Variants in ZFPM1 observed in about 807,000 individuals in gnomAD.
ZFPM1 encodes the protein zinc finger protein ZFPM1.
Under a neutral mutation model 46.3 loss-of-function variants are expected in ZFPM1, and 28 were observed. The ratio of observed to expected loss-of-function variants is 0.60; its 90% confidence interval spans 0.45 to 0.83. ZFPM1 has a LOEUF of 0.83. Ranked by LOEUF, ZFPM1 falls within the 40% of genes least tolerant of loss-of-function variation. ZFPM1 has a pLI of 0.00. For synonymous variants in ZFPM1, 957 were observed against 675.9 expected (o/e 1.42, Z -6.45); for missense variants, 1,878 against 1,432.4 (o/e 1.31, Z -5.02).
chr16:88,496,855 C>G (rs1480308095), intron 3 of ZFPM1, among the ~76,000 whole-genome samples: 2 of 152,188 alleles, frequency 1.3e-5, no homozygotes, highest in African/African-American at 4.8e-5. Flanking sequence ...CAGGGGAGGT[C>G]TGAGTTGGAT....
intron 3 of ZFPM1, among the ~76,000 whole-genome samples, chr16:88,510,485 A>G (rs1252769911): frequency 6.6e-6 from 1 of 152,212 alleles, no homozygotes; most frequent in East Asian, 1.9e-4. Context: ...GGAACTTCTC[A>G]TTTGGTTCCT....
chr16:88,455,668 C>G (rs1271027548), intron 1 of ZFPM1, among the ~76,000 whole-genome samples: 2 of 152,102 alleles, frequency 1.3e-5, no homozygotes, highest in Admixed American at 1.3e-4. Context: ...CGCAGCTGCC[C>G]GCGCCTCTGT....
At chr16:88,468,726 T>G (rs1312550718) in intron 1 of ZFPM1, among the ~76,000 whole-genome samples, 1 of 145,150 alleles carries the variant, frequency 6.9e-6, no homozygotes, top group Non-Finnish European at 1.5e-5. Flanking sequence ...ACCACTGTCC[T>G]AACCAGCCTG....
rs567578246 is a variant in ZFPM1, at chr16:88,460,964, G to GCCCTGGTGAGGACCAAGGGGCGGGAGGC, written c.40+7288_40+7289insCTGGTGAGGACCAAGGGGCGGGAGGCCC. ...TGATGACCGAGGGGCGGGGCGGGAGGCCTGGTGAGGACCGAGGGGAGGGGC... is the reference window on the plus strand; with the variant it reads ...TGATGACCGAGGGGCGGGGCGGGAGGCCCTGGTGAGGACCAAGGGGCGGGAGGCCCTGGTGAGGACCGAGGGGAGGGGC... On this transcript the variant is annotated intron_variant, in intron 1 of 9. Coordinates refer to ENST00000319555, the MANE Select transcript of ZFPM1 (RefSeq NM_153813.3). Among the ~76,000 whole-genome samples, 18 of 41,418 alleles carry GCCCTGGTGAGGACCAAGGGGCGGGAGGC rather than the reference G, an allele frequency of 4.3e-4. 1 individual carries two copies. The highest frequency in any genetic ancestry group is 2.2e-3 in the African/African-American group (18 of 8,022). 27.2% of individuals were successfully genotyped at this position (41,418 alleles called of 152,430 possible).
chr16:88,465,708 G>A (rs963302374), intron 1 of ZFPM1, among the ~76,000 whole-genome samples: 3 of 152,176 alleles, frequency 2.0e-5, no homozygotes, highest in African/African-American at 4.8e-5. Context: ...CTCCCACCCT[G>A]TCCCCAGCCA....
intron 1 of ZFPM1, among the ~76,000 whole-genome samples, chr16:88,456,515 C>T (rs999913627): frequency 3.3e-5 from 5 of 152,178 alleles, no homozygotes; most frequent in Admixed American, 2.0e-4. Context: ...AGCACTACTG[C>T]ATACAGGCCC....
chr16:88,521,864 CCTCT>C (rs919099301), intron 4 of ZFPM1, among the ~76,000 whole-genome samples: 7 of 150,396 alleles, frequency 4.7e-5, no homozygotes, highest in Non-Finnish European at 8.9e-5. Flanking sequence ...GCTGTTCCCT[CCTCT>C]CTGTTTCCTC....
At chr16:88,475,894 G>A (rs1190112401) in intron 1 of ZFPM1, among the ~76,000 whole-genome samples, 6 of 152,132 alleles carry the variant, frequency 3.9e-5, no homozygotes, top group Non-Finnish European at 7.4e-5. Flanking sequence ...GACACCATTC[G>A]GCCAGAGGCT....
intron 1 of ZFPM1, among the ~76,000 whole-genome samples, chr16:88,481,209 G>A (rs1051311192): frequency 4.6e-5 from 7 of 152,220 alleles, no homozygotes; most frequent in South Asian, 2.1e-4. Flanking sequence ...TGCCCTGGCC[G>A]CCAATGACCA....
intron 4 of ZFPM1, among the ~76,000 whole-genome samples, chr16:88,518,046 T>TA (rs990866202): frequency 2.6e-4 from 40 of 151,392 alleles, no homozygotes; most frequent in Middle Eastern, 3.4e-3. Flanking sequence ...CCGTCTCTAT[T>TA]AAAAAAAAAT....
At chr16:88,476,434 G>A (rs1032376847) in intron 1 of ZFPM1, among the ~76,000 whole-genome samples, 1 of 152,098 alleles carries the variant, frequency 6.6e-6, no homozygotes, top group South Asian at 2.1e-4. Context: ...AGAGAGGGCC[G>A]CCAAGTGGCA....
rs563894331 is a variant in ZFPM1, at chr16:88,487,323, A to G, written c.145+1280A>G. ...AGCCCCAGGCACCAATCTCATACCT[A>G]CCCCATGCCATGAAACCCTTTGCAC... is the stretch of plus-strand genomic sequence containing the variant. On this transcript the variant is annotated intron_variant, in intron 2 of 9. Coordinates refer to ENST00000319555, the MANE Select transcript of ZFPM1 (RefSeq NM_153813.3). Among the ~76,000 whole-genome samples, 3 of 152,034 alleles carry G rather than the reference A, an allele frequency of 2.0e-5. No homozygotes were observed. In the East Asian group the frequency reaches 5.8e-4, roughly 30 times the overall value.
intron 5 of ZFPM1, among the ~76,000 whole-genome samples, chr16:88,527,277 C>T (rs1270176137): frequency 6.6e-6 from 1 of 152,232 alleles, no homozygotes; most frequent in Non-Finnish European, 1.5e-5. Context: ...CGACACCAGA[C>T]TGGCTGGCAG....
intron 4 of ZFPM1, among the ~76,000 whole-genome samples, chr16:88,515,823 C>T (rs1391780716): frequency 6.6e-6 from 1 of 152,190 alleles, no homozygotes; most frequent in East Asian, 1.9e-4. Context: ...GCGTGAGCTC[C>T]CCATCACTGT....
intron 1 of ZFPM1, 136 bp from the exon 2 acceptor site, chr16:88,485,803 G>T: frequency 1.4e-6 from 1 of 707,782 alleles, no homozygotes; most frequent in South Asian, 1.8e-5. Context: ...TGACCTCAGG[G>T]TGAGGGATGA....
intron 3 of ZFPM1, among the ~76,000 whole-genome samples, chr16:88,498,138 T>TG (rs1910044428): frequency 6.6e-6 from 1 of 152,034 alleles, no homozygotes; most frequent in Non-Finnish European, 1.5e-5. Context: ...GACCCAGTGC[T>TG]GGGTCAGGAG....
At chr16:88,492,286 C>T (rs1909625878) in intron 3 of ZFPM1, among the ~76,000 whole-genome samples, 1 of 152,180 alleles carries the variant, frequency 6.6e-6, no homozygotes, top group Non-Finnish European at 1.5e-5. Context: ...CCCACAGCTG[C>T]TCCCCACCCC....
In ZFPM1 at chr16:88,533,487, G is replaced by T; in HGVS notation, c.1529G>T (p.Gly510Val). 1 of 1,400,852 alleles carries T rather than the reference G, an allele frequency of 7.1e-7. No individual in the cohort carries two copies. The highest frequency in any genetic ancestry group is 3.3e-5 in the East Asian group (1 of 29,864). The allele number at this position is 1,400,852 out of a possible 1,614,324, so 86.8% of individuals were successfully genotyped here. A position where few individuals can be genotyped will look rare whatever the true frequency, so the allele number is the denominator to read the frequency against. The part of the protein sequence containing the change: ...VKAELSSPTP[G>V]SSPVPGELGL... ...GCCGAGCTGTCCAGCCCCACGCCGG[G>T]CTCCAGCCCGGTGCCCGGCGAGCTG... The change falls in exon 10 of 10, where the codon GGC (glycine) becomes GTC (valine). Residue 510 changes from glycine (G) to valine (V), a missense_variant. By Grantham distance (109) the Gly-to-Val change is moderately radical. Transcript: ENST00000319555.
At chr16:88,483,626 C>T (rs1399234793) in intron 1 of ZFPM1, among the ~76,000 whole-genome samples, 1 of 152,222 alleles carries the variant, frequency 6.6e-6, no homozygotes, top group South Asian at 2.1e-4. Context: ...TGTTTTCGGC[C>T]GGGGCCCATC....
Sources: allele counts gnomAD v4.1 joint callset (sites outside exome capture counted in the v4.1 genomes callset), GRCh38; gene constraint gnomAD v4.1.1; transcripts MANE v1.5; gene names NCBI Gene and HGNC (gene_info 2026-07-23, HGNC 2026-07-21).